Variants in EML6 observed in about 807,000 individuals in gnomAD.
EML6 encodes echinoderm microtubule-associated protein-like 6.
Under a neutral mutation model 240.1 loss-of-function variants are expected in EML6, and 154 were observed. The observed-to-expected ratio is 0.64, with a 90% CI of 0.56 to 0.73. EML6 has a LOEUF of 0.73. EML6 is among the 30% of genes least tolerant of loss of function. EML6 has a pLI of 0.00. For missense variants in EML6, 2,964 were observed against 2,474.6 expected (o/e 1.20, Z -4.20); for synonymous variants, 1,148 against 899.0 (o/e 1.28, Z -4.95).
chr2:54,734,303 A>T (rs1156441488), intron 2 of EML6, among the ~76,000 whole-genome samples: 1 of 152,206 alleles, frequency 6.6e-6, no homozygotes, highest in Non-Finnish European at 1.5e-5. Flanking sequence ...GCACCACTGC[A>T]CTCTAGCCTG....
chr2:54,847,337 C>G (rs1669819197), intron 8 of EML6, 149 bp from the exon 9 acceptor site: 7 of 689,710 alleles, frequency 1.0e-5, no homozygotes, highest in Non-Finnish European at 1.6e-5. Context: ...TCCACACTCG[C>G]TGACAGGCCA....
intron 10 of EML6, among the ~76,000 whole-genome samples, chr2:54,852,824 T>G (rs1169478670): frequency 6.6e-6 from 1 of 152,220 alleles, no homozygotes; most frequent in Non-Finnish European, 1.5e-5. Flanking sequence ...TTAAATGTCT[T>G]GATTTTGAAT....
chr2:54,782,267 A>G (rs1668887180), intron 2 of EML6, among the ~76,000 whole-genome samples: 1 of 152,218 alleles, frequency 6.6e-6, no homozygotes, highest in African/African-American at 2.4e-5. Context: ...CCTAATAGTA[A>G]ACAAAACCTT....
chr2:54,867,915 T>C lies in EML6; in HGVS notation c.2051+1031T>C, dbSNP rs150999809. On this transcript the variant is annotated intron_variant, in intron 14 of 41. Coordinates refer to ENST00000356458, the MANE Select transcript of EML6 (RefSeq NM_001039753.4). ...TCCTTTGTCACCATGTCATACCCTCTGCAAGAAAAAAAATTTTTCTGTGGT... is the reference window on the plus strand; with the variant it reads ...TCCTTTGTCACCATGTCATACCCTCCGCAAGAAAAAAAATTTTTCTGTGGT... 4 of 152,260 alleles carry C rather than the reference T, an allele frequency of 2.6e-5. 1 individual carries two copies. In the East Asian group the frequency reaches 7.7e-4, roughly 29 times the overall value. 9.4% of individuals were successfully genotyped at this position (152,260 alleles called of 1,614,324 possible).
In EML6 at chr2:54,892,639, A is replaced by T. The variant is rs1169316306; in HGVS notation, c.2725A>T (p.Met909Leu). 1 of 1,551,528 alleles carries T rather than the reference A, an allele frequency of 6.4e-7. No homozygotes were observed. The highest frequency in any genetic ancestry group is 2.0e-5 in the Admixed American group (1 of 50,998). ...VKAHDGPVFA[M>L]YALDKGFVTG... ...AGCTCATGATGGGCCTGTGTTTGCT[A>T]TGTATGCACTGGATAAGGTATGGCC... Residue 909 changes from methionine to leucine, a missense_variant, in exon 19 of 42, where the codon ATG becomes TTG. Physicochemically the swap from Met to Leu is conservative, Grantham distance 15. Coordinates refer to ENST00000356458, the MANE Select transcript of EML6 (RefSeq NM_001039753.4).
intron 26 of EML6, 117 bp from the exon 27 acceptor site, chr2:54,928,196 T>C: frequency 1.2e-6 from 1 of 805,498 alleles, no homozygotes; most frequent in Non-Finnish European, 2.1e-6. Flanking sequence ...CTAGTTGAAA[T>C]GTAGGAAATT....
intron 17 of EML6, among the ~76,000 whole-genome samples, chr2:54,885,883 T>C (rs1015910047): frequency 6.6e-6 from 1 of 152,158 alleles, no homozygotes; most frequent in African/African-American, 2.4e-5. Flanking sequence ...AGTGCTGAGA[T>C]TACAGGCGTG....
At chr2:54,732,723 G>C (rs1683228369) in intron 2 of EML6, among the ~76,000 whole-genome samples, 1 of 152,182 alleles carries the variant, frequency 6.6e-6, no homozygotes, top group African/African-American at 2.4e-5. Context: ...TTGCTATTCT[G>C]TATTTGTAAA....
intron 3 of EML6, among the ~76,000 whole-genome samples, chr2:54,813,897 C>G (rs542022866): frequency 6.6e-6 from 1 of 152,282 alleles, no homozygotes; most frequent in South Asian, 2.1e-4. Context: ...ATCATCAATT[C>G]CTGGGTATTC....
At position 54,795,203 on chromosome 2, in the gene EML6, A is replaced by G. The variant is rs183238286; in HGVS notation, c.198-18029A>G. Among the ~76,000 whole-genome samples, 11 of 152,230 alleles carry G rather than the reference A, an allele frequency of 7.2e-5. 1 individual carries two copies. In the East Asian group the frequency reaches 2.1e-3, roughly 29 times the overall value. On this transcript the variant is annotated intron_variant, in intron 2 of 41. Coordinates refer to ENST00000356458, the MANE Select transcript of EML6 (RefSeq NM_001039753.4). ...TTTTTAAAGAAAATAGGTTTAATTG[A>G]CTCACACTTCAGCATGGGTGGGGAG...
chr2:54,880,447 T>C (rs1009477407), intron 17 of EML6: 3 of 152,234 alleles, frequency 2.0e-5, no homozygotes, highest in African/African-American at 7.2e-5. Flanking sequence ...CTTTTTAAAG[T>C]AATATTTTCC....
chr2:54,896,992 C>T (rs1573096597), intron 21 of EML6, among the ~76,000 whole-genome samples: 1 of 152,196 alleles, frequency 6.6e-6, no homozygotes, highest in East Asian at 1.9e-4. Flanking sequence ...GCAATGAGGT[C>T]TTTGTTCTCC....
intron 25 of EML6, among the ~76,000 whole-genome samples, chr2:54,914,855 C>G (rs1265389705): frequency 6.6e-6 from 1 of 151,988 alleles, no homozygotes; most frequent in Non-Finnish European, 1.5e-5. Flanking sequence ...TAAAATATGA[C>G]AAATGTTAAA....
chr2:54,897,517 G>T (rs1337865332), intron 21 of EML6, among the ~76,000 whole-genome samples: 1 of 152,180 alleles, frequency 6.6e-6, no homozygotes, highest in African/African-American at 2.4e-5. Flanking sequence ...GCAGAGCTGG[G>T]ATTCCAACCA....
At chr2:54,916,611 A>AT (rs1324982241) in intron 25 of EML6, 148 bp from the exon 26 acceptor site, 1 of 515,142 alleles carries the variant, frequency 1.9e-6, no homozygotes, top group Non-Finnish European at 3.3e-6. Context: ...CACTTTAAAT[A>AT]TGCAACTTAG....
At chr2:54,936,915 G>C (rs1229486645) in intron 28 of EML6, among the ~76,000 whole-genome samples, 1 of 150,614 alleles carries the variant, frequency 6.6e-6, no homozygotes, top group Non-Finnish European at 1.5e-5. Context: ...AGTAGACTTT[G>C]GGCTTGTTGC....
At chr2:54,761,799 G>A (rs1339655513) in intron 2 of EML6, among the ~76,000 whole-genome samples, 1 of 151,592 alleles carries the variant, frequency 6.6e-6, no homozygotes, top group East Asian at 1.9e-4. Context: ...TCCATTTTTA[G>A]TATTTTGACA....
intron 28 of EML6, among the ~76,000 whole-genome samples, chr2:54,938,314 G>A (rs1028921136): frequency 6.6e-5 from 10 of 152,082 alleles, no homozygotes; most frequent in Non-Finnish European, 1.5e-4. Context: ...TCAAAAAAAA[G>A]TTAGATGAAG....
chr2:54,897,977 C>T (rs1391003920), intron 21 of EML6, among the ~76,000 whole-genome samples: 3 of 152,122 alleles, frequency 2.0e-5, no homozygotes, highest in Non-Finnish European at 4.4e-5. Flanking sequence ...ATTTTAGATC[C>T]ACTTTGCCGG....
Sources: allele counts gnomAD v4.1 joint callset (sites outside exome capture counted in the v4.1 genomes callset), GRCh38; gene constraint gnomAD v4.1.1; transcripts MANE v1.5; gene names NCBI Gene and HGNC (gene_info 2026-07-23, HGNC 2026-07-21).